PNPLA7: variants seen among roughly 807,000 people sequenced by gnomAD.
PNPLA7 encodes the protein patatin-like phospholipase domain-containing protein 7.
In PNPLA7, 153 loss-of-function variants were observed where a neutral mutation model predicts 161.7. The ratio of observed to expected loss-of-function variants is 0.95; its 90% CI spans 0.83 to 1.08. The LOEUF (loss-of-function observed/expected upper bound fraction) is 1.08. Ranked by LOEUF, PNPLA7 falls within the 50% of genes least tolerant of loss-of-function variation. PNPLA7 has a pLI of 0.00. For synonymous variants in PNPLA7, 809 were observed against 782.1 expected (o/e 1.03, Z -0.57); for missense variants, 1,739 against 1,856.6 (o/e 0.94, Z 1.16).
chr9:137,507,505 A>G (rs1014825500), intron 12 of PNPLA7, among the ~76,000 whole-genome samples: 9 of 152,158 alleles, frequency 5.9e-5, no homozygotes, highest in Non-Finnish European at 1.2e-4. Flanking sequence ...CCCTGTCTCC[A>G]CTAAAAATAC....
At chr9:137,506,387 G>T (rs971186232) in intron 12 of PNPLA7, among the ~76,000 whole-genome samples, 1 of 152,204 alleles carries the variant, frequency 6.6e-6, no homozygotes, top group Non-Finnish European at 1.5e-5. Context: ...CCCTGGTCCT[G>T]AGCCAAATTC....
At chr9:137,515,791 C>A (rs1219406192) in intron 11 of PNPLA7, among the ~76,000 whole-genome samples, 3 of 115,332 alleles carry the variant, frequency 2.6e-5, no homozygotes, top group Non-Finnish European at 5.5e-5. Flanking sequence ...CACCCCATCC[C>A]CCTTCCCCCA....
Position 137,547,374 on chromosome 9 carries a change from GCT to G in PNPLA7, c.126_127del (p.Ala43ProfsTer19). On this transcript the variant is annotated frameshift_variant, in exon 3 of 35. Transcript: ENST00000406427. LOFTEE classifies it high-confidence loss of function. The surrounding 1 kb of genome is among the most constrained non-coding windows in gnomAD (Gnocchi z 4.6). ...ACCAACCAAGGCCAGGGCCAGGAGG[GCT>G]CCAACTGCAATCCCCGTCAGCTGGC... 1.9e-6 allele frequency: 3 copies of G among 1,613,548 alleles called. No homozygotes were observed.
intron 21 of PNPLA7, among the ~76,000 whole-genome samples, chr9:137,483,265 G>A (rs1286158779): frequency 6.6e-6 from 1 of 152,068 alleles, no homozygotes; most frequent in Non-Finnish European, 1.5e-5. Context: ...TAGTTTATGT[G>A]ACGCGGGACA....
Position 137,543,865 on chromosome 9 carries a change from C to T in PNPLA7, c.274-50G>A. ...CCACTGACCCTGCAAGCCGCAAGGT[C>T]CAAGCTCTTTGCCATGGGGATCAGT... On this transcript the variant is annotated intron_variant, in intron 4 of 34. Transcript: ENST00000406427. The surrounding 1 kb of genome is among the most constrained non-coding windows in gnomAD (Gnocchi z 6.9). 6.6e-7 allele frequency: 1 copy of T among 1,513,136 alleles called. No individual in the cohort carries two copies. The highest frequency in any genetic ancestry group is 9.2e-7 in the Non-Finnish European group (1 of 1,089,128). 93.7% of individuals were successfully genotyped at this position (1,513,136 alleles called of 1,614,324 possible).
intron 1 of PNPLA7, 41 bp downstream of exon 1, chr9:137,550,127 C>A (rs1330607073): frequency 2.5e-6 from 4 of 1,611,890 alleles, no homozygotes; most frequent in Non-Finnish European, 3.4e-6. Flanking sequence ...AAATGCCCCC[C>A]AACTGGGAAA....
chr9:137,509,388 T>C (rs1041652164), intron 12 of PNPLA7: 3 of 189,132 alleles, frequency 1.6e-5, no homozygotes, highest in Non-Finnish European at 3.4e-5. Context: ...TTAGCCGGTA[T>C]GAGTGAGTTT....
chr9:137,537,562 A>G lies in PNPLA7; in HGVS notation c.747+3080T>C, dbSNP rs1835959862. On this transcript the variant is annotated intron_variant, in intron 8 of 34. Transcript: ENST00000406427. This position sits in a 1 kb window ranked among gnomAD's most constrained non-coding sequence, Gnocchi z 4.5. ...GATCTCCTGACCTCGTGATCCGCCC[A>G]CCTCGGCCTCCCAAAGTGCTGGGAT... is the stretch of plus-strand genomic sequence containing the variant. Among the ~76,000 whole-genome samples, 5 of 152,038 alleles carry G rather than the reference A, an allele frequency of 3.3e-5. No individual in the cohort carries two copies. Among genetic ancestry groups the G allele is most frequent in the Admixed American group, 2.0e-4 (3 of 15,262 alleles).
chr9:137,510,534 T>C (rs1387392443), intron 12 of PNPLA7, among the ~76,000 whole-genome samples: 1 of 152,224 alleles, frequency 6.6e-6, no homozygotes, highest in Non-Finnish European at 1.5e-5. Context: ...TCACGTGACC[T>C]TACCTATCAT....
Position 137,490,696 on chromosome 9 carries a change from G to A in PNPLA7, c.2197+2317C>T, listed in dbSNP as rs1023007291. The stretch of plus-strand genomic sequence containing the variant: ...CACAATTCTTCAACAGCAAGGAGAC[G>A]AGCCCAGAAGGAAACCTGAGATGCC... On this transcript the variant is annotated intron_variant, in intron 20 of 34. Coordinates refer to ENST00000406427, the MANE Select transcript of PNPLA7 (RefSeq NM_001098537.3). The surrounding 1 kb of genome is among the most constrained non-coding windows in gnomAD (Gnocchi z 4.1). Among the ~76,000 whole-genome samples, 2 of 152,200 alleles carry A rather than the reference G, an allele frequency of 1.3e-5. No homozygotes were observed. The highest frequency in any genetic ancestry group is 1.9e-4 in the East Asian group (1 of 5,206).
At chr9:137,461,367 G>A (rs1270371675) in intron 33 of PNPLA7, 169 bp downstream of exon 33, 7 of 686,882 alleles carry the variant, frequency 1.0e-5, no homozygotes, top group Middle Eastern at 3.9e-4. Context: ...GTGGGAACAC[G>A]TGGTGCCCGG....
Position 137,467,628 on chromosome 9 carries a change from G to A in PNPLA7, c.2883-155C>T, listed in dbSNP as rs183708554. ...GATGCAGTTTAAAACCCCTCTTTCC[G>A]GGCTCACGCCTGTCATCTCAGCACT... On this transcript the variant is annotated intron_variant, in intron 25 of 34. Transcript: ENST00000406427. The surrounding 1 kb of genome is among the most constrained non-coding windows in gnomAD (Gnocchi z 5.1). Among the ~76,000 whole-genome samples the A allele has an allele frequency of 1.2e-3, 182 of 152,322 alleles. No individual in the cohort carries two copies. The highest frequency in any genetic ancestry group is 2.4e-3 in the Admixed American group (36 of 15,306).
chr9:137,511,513 C>T (rs572340981), intron 12 of PNPLA7, among the ~76,000 whole-genome samples: 4 of 152,086 alleles, frequency 2.6e-5, no homozygotes, highest in East Asian at 3.9e-4. Context: ...GGAAGGCACC[C>T]GTTACTTAGT....
At chr9:137,531,817 GA>G (rs1232933614) in intron 8 of PNPLA7, among the ~76,000 whole-genome samples, 2 of 152,196 alleles carry the variant, frequency 1.3e-5, no homozygotes, top group Middle Eastern at 3.2e-3. Context: ...AAGGTGAAAT[GA>G]GAGCACACGT....
At chr9:137,522,681 C>G (rs747005624) in intron 9 of PNPLA7, 48 bp downstream of exon 9, 8 of 1,607,136 alleles carry the variant, frequency 5.0e-6, no homozygotes, top group South Asian at 2.2e-5. Flanking sequence ...CAGGCCCCCC[C>G]AGGGTGACCC....
intron 30 of PNPLA7, 168 bp from the exon 31 acceptor site, chr9:137,462,499 C>A: frequency 7.2e-7 from 1 of 1,394,090 alleles, no homozygotes; most frequent in Non-Finnish European, 9.5e-7. Flanking sequence ...CTGCCACAGC[C>A]TTCAGGCCCG....
chr9:137,500,030 G>A lies in PNPLA7; in HGVS notation c.1757+661C>T, dbSNP rs1833293361. ...GACCTGACAGAGCAGAATGCCCAGT[G>A]CCGTGGATGCAAAGACGTGGCGGCT... On this transcript the variant is annotated intron_variant, in intron 16 of 34. Coordinates refer to ENST00000406427, the MANE Select transcript of PNPLA7 (RefSeq NM_001098537.3). The surrounding 1 kb of genome is among the most constrained non-coding windows in gnomAD (Gnocchi z 5.5). Among the ~76,000 whole-genome samples, 1 of 152,254 alleles carries A rather than the reference G, an allele frequency of 6.6e-6. No homozygotes were observed. The highest frequency in any genetic ancestry group is 1.5e-5 in the Non-Finnish European group (1 of 68,040).
At chr9:137,542,126 A>G (rs1017476330) in intron 7 of PNPLA7, among the ~76,000 whole-genome samples, 2 of 152,192 alleles carry the variant, frequency 1.3e-5, no homozygotes, top group African/African-American at 4.8e-5. Context: ...CAACACAGTG[A>G]CTTACTACTA....
intron 17 of PNPLA7, 57 bp downstream of exon 17, chr9:137,498,057 C>T (rs1297482101): frequency 6.3e-7 from 1 of 1,581,628 alleles, no homozygotes; most frequent in African/African-American, 1.3e-5. Context: ...TGCCCATCCC[C>T]AGCTCCTGCA....
Sources: allele counts gnomAD v4.1 joint callset (sites outside exome capture counted in the v4.1 genomes callset), GRCh38; gene constraint gnomAD v4.1.1; non-coding constraint Gnocchi (gnomAD v3.1); transcripts MANE v1.5; gene names NCBI Gene and HGNC (gene_info 2026-07-23, HGNC 2026-07-21).